ADAMTSL3: variants seen among roughly 807,000 people sequenced by gnomAD.
ADAMTSL3 encodes the protein ADAMTS like 3, also known as ADAMTS-like protein 3.
In ADAMTSL3, 128 loss-of-function variants were observed where a neutral mutation model predicts 201.7. The ratio of observed to expected loss-of-function variants is 0.63; its 90% CI spans 0.55 to 0.73. ADAMTSL3 has a LOEUF of 0.73. Ranked by LOEUF, ADAMTSL3 falls within the 30% of genes least tolerant of loss-of-function variation. The probability of loss-of-function intolerance (pLI) is 0.00; values close to 1 mark genes in which losing one functional copy is unlikely to be tolerated. For synonymous variants in ADAMTSL3, 738 were observed against 748.4 expected, an observed-to-expected ratio of 0.99 and a Z score of 0.23; for missense variants, 1,990 against 2,119.6, an observed-to-expected ratio of 0.94 and a Z score of 1.20.
At chr15:83,795,143 C>T (rs1221154106) in intron 4 of ADAMTSL3, among the ~76,000 whole-genome samples, 9 of 151,950 alleles carry the variant, frequency 5.9e-5, no homozygotes, top group South Asian at 2.1e-4. Flanking sequence ...TGTGAACCAC[C>T]GTGCCCAGCC....
intron 3 of ADAMTSL3, among the ~76,000 whole-genome samples, chr15:83,766,617 T>A (rs540490374): frequency 1.3e-5 from 2 of 152,274 alleles, no homozygotes; most frequent in African/African-American, 4.8e-5. Context: ...TTGACTGGAT[T>A]CCTGGTCGTG....
chr15:83,977,079 T>C (rs1401656190), intron 20 of ADAMTSL3, among the ~76,000 whole-genome samples: 1 of 152,126 alleles, frequency 6.6e-6, no homozygotes, highest in Non-Finnish European at 1.5e-5. Flanking sequence ...CAAGCAGGCA[T>C]TACCACCTGA....
At chr15:83,794,922 G>A (rs750562596) in intron 4 of ADAMTSL3, among the ~76,000 whole-genome samples, 14 of 151,936 alleles carry the variant, frequency 9.2e-5, no homozygotes, top group Non-Finnish European at 1.5e-4. Flanking sequence ...GCACAATCTC[G>A]GCTCACTGCA....
chr15:84,010,764 T>C (rs1027560890), intron 23 of ADAMTSL3, among the ~76,000 whole-genome samples: 5 of 152,172 alleles, frequency 3.3e-5, no homozygotes, highest in Non-Finnish European at 4.4e-5. Context: ...TATTAACTTT[T>C]TAAAAGTTGG....
In ADAMTSL3 at chr15:83,988,682, G is replaced by A; in HGVS notation, c.3717-9G>A. ...ATATGAATGTGTCGTCTTTCTAACT[G>A]TTCTACAGAATAATTTTGGATGGAA... On this transcript the variant is annotated splice_polypyrimidine_tract_variant and intron_variant, in intron 21 of 29. Coordinates refer to ENST00000286744, the MANE Select transcript of ADAMTSL3 (RefSeq NM_207517.3). 1 of 1,588,924 alleles carries A rather than the reference G, an allele frequency of 6.3e-7. No individual in the cohort carries two copies.
At chr15:83,668,097 A>G (rs2061273365) in intron 2 of ADAMTSL3, among the ~76,000 whole-genome samples, 1 of 152,092 alleles carries the variant, frequency 6.6e-6, no homozygotes, top group East Asian at 1.9e-4. Context: ...GCTTGAAACA[A>G]CAAAAATAAG....
chr15:83,738,360 A>G (rs982180), intron 3 of ADAMTSL3, among the ~76,000 whole-genome samples: 60,600 of 152,010 alleles, frequency 0.4, 13,112 homozygotes, highest in South Asian at 0.63. Flanking sequence ...GAGATATTTT[A>G]TGTGTATATA....
intron 5 of ADAMTSL3, among the ~76,000 whole-genome samples, chr15:83,814,701 A>G (rs2063746730): frequency 6.6e-6 from 1 of 152,244 alleles, no homozygotes; most frequent in Non-Finnish European, 1.5e-5. Flanking sequence ...CAACTTGGAT[A>G]TGAAGTTAAA....
chr15:83,871,071 G>C (rs1383779213), intron 9 of ADAMTSL3, 112 bp downstream of exon 9: 2 of 1,201,464 alleles, frequency 1.7e-6, no homozygotes, highest in Admixed American at 5.2e-5. Flanking sequence ...TTTATACAGA[G>C]CATGTGTCAT....
intron 26 of ADAMTSL3, among the ~76,000 whole-genome samples, chr15:84,024,463 C>T (rs1017168022): frequency 5.3e-5 from 8 of 152,144 alleles, no homozygotes; most frequent in African/African-American, 1.9e-4. Flanking sequence ...GTACTTGTGG[C>T]CTATGTTTCT....
intron 2 of ADAMTSL3, among the ~76,000 whole-genome samples, chr15:83,687,227 A>G (rs1298136016): frequency 1.3e-5 from 2 of 152,236 alleles, no homozygotes; most frequent in Non-Finnish European, 2.9e-5. Context: ...AATTAAATTA[A>G]GTTGAAAGTA....
At chr15:83,744,532 T>C (rs1187698216) in intron 3 of ADAMTSL3, among the ~76,000 whole-genome samples, 2 of 152,232 alleles carry the variant, frequency 1.3e-5, no homozygotes, top group African/African-American at 4.8e-5. Flanking sequence ...TTTTGAAATA[T>C]GCATACATTG....
rs537793768 is a variant in ADAMTSL3, at chr15:83,986,719, A to G, written c.3717-1972A>G. 3.3e-5 allele frequency among the ~76,000 whole-genome samples: 5 copies of G among 152,360 alleles called. No homozygotes were observed. In the South Asian group the frequency reaches 6.2e-4, roughly 19 times the overall value. On this transcript the variant is annotated intron_variant, in intron 21 of 29. Coordinates refer to ENST00000286744, the MANE Select transcript of ADAMTSL3 (RefSeq NM_207517.3). ...ATTATGTTCCTGAAAGCCTCATTCA[A>G]TGAGAGAAACTGTGTAGGCATGGAG...
intron 3 of ADAMTSL3, among the ~76,000 whole-genome samples, chr15:83,747,489 AGT>A (rs377516315): frequency 2.6e-5 from 4 of 152,330 alleles, no homozygotes; most frequent in African/African-American, 9.6e-5. Context: ...TCTGTCCACA[AGT>A]GTGAGAGAAG....
At position 83,890,186 on chromosome 15, in the gene ADAMTSL3, C is replaced by A. The variant is rs777300331; in HGVS notation, c.1150C>A (p.Pro384Thr). 6.2e-7 allele frequency: 1 copy of A among 1,613,968 alleles called. No homozygotes were observed. Among genetic ancestry groups the A allele is most frequent in the East Asian group, 2.2e-5 (1 of 44,880 alleles). ...VVPDHYCHYY[P>T]ENVKPKPKLK... Reference sequence around the variant, plus strand: ...TCCTGACCATTATTGTCACTACTACCCTGAAAATGTAAAACCAAAACCAAA... The same window carrying A: ...TCCTGACCATTATTGTCACTACTACACTGAAAATGTAAAACCAAAACCAAA... Residue 384 changes from proline (P) to threonine (T), a missense_variant, in exon 11 of 30, where the codon CCT (proline) becomes ACT (threonine). By Grantham distance (38) the Pro-to-Thr change is conservative. Transcript: ENST00000286744.
At chr15:83,859,502 A>C (rs1399257532) in intron 8 of ADAMTSL3, among the ~76,000 whole-genome samples, 1 of 152,202 alleles carries the variant, frequency 6.6e-6, no homozygotes, top group Non-Finnish European at 1.5e-5. Context: ...ATATGTTAAA[A>C]TGTTATCTTC....
At chr15:83,737,108 A>C (rs967138999) in intron 3 of ADAMTSL3, among the ~76,000 whole-genome samples, 2 of 152,248 alleles carry the variant, frequency 1.3e-5, no homozygotes, top group Non-Finnish European at 2.9e-5. Context: ...TACACTAAAA[A>C]TTTGATCATG....
chr15:83,957,979 A>G (rs1418098701), intron 19 of ADAMTSL3, among the ~76,000 whole-genome samples: 1 of 152,226 alleles, frequency 6.6e-6, no homozygotes, highest in Non-Finnish European at 1.5e-5. Context: ...CTCATTAAAA[A>G]ACAAAAAGCA....
chr15:83,862,373 G>A (rs2064882539), intron 8 of ADAMTSL3: 1 of 152,210 alleles, frequency 6.6e-6, no homozygotes, highest in South Asian at 2.1e-4. Flanking sequence ...CAGAGAGAAA[G>A]GTCGGGTTAC....
Sources: gnomAD v4.1 joint callset for allele counts (sites outside exome capture counted in the v4.1 genomes callset) on GRCh38, gnomAD v4.1.1 for gene constraint, MANE v1.5 for transcripts, NCBI Gene and HGNC (gene_info 2026-07-23, HGNC 2026-07-21) for gene names.